The following UBR3 variants were observed in gnomAD, a reference collection of about 807,000 sequenced individuals.
The protein encoded by UBR3 is E3 ubiquitin-protein ligase UBR3.
Under a neutral mutation model 243.2 loss-of-function variants are expected in UBR3, and 85 were observed. The ratio of observed to expected loss-of-function variants is 0.35; its 90% CI spans 0.29 to 0.42. The LOEUF (loss-of-function observed/expected upper bound fraction) is 0.42. Ranked by LOEUF, UBR3 falls within the 10% of genes least tolerant of loss-of-function variation. UBR3 has a pLI of 1.00. For synonymous variants in UBR3, 748 were observed against 799.8 expected (o/e 0.94, Z 1.09); for missense variants, 1,686 against 2,300.8 (o/e 0.73, Z 5.47).
rs181178036 is a variant in UBR3, at chr2:170,003,129, C to T, written c.4029+1715C>T. 4.0e-3 allele frequency among the ~76,000 whole-genome samples: 614 copies of T among 152,296 alleles called. 6 individuals are homozygous for T. The highest frequency in any genetic ancestry group is 4.0e-3 in the Non-Finnish European group (271 of 68,020). On this transcript the variant is annotated intron_variant, in intron 27 of 38. Transcript: ENST00000272793. ...CTAAATCTCACTTGACTATATTCTA[C>T]CTTCATTAATCCCACTGCTACTTTT...
intron 1 of UBR3, among the ~76,000 whole-genome samples, chr2:169,838,172 T>G (rs2082168457): frequency 6.6e-6 from 1 of 152,194 alleles, no homozygotes; most frequent in African/African-American, 2.4e-5. Context: ...AGATACATGT[T>G]CAAGTATGTT....
At chr2:169,857,531 C>T (rs2105299054) in intron 1 of UBR3, among the ~76,000 whole-genome samples, 1 of 152,116 alleles carries the variant, frequency 6.6e-6, no homozygotes, top group East Asian at 1.9e-4. Context: ...TTCCTCCTGC[C>T]TCAGCCTCCC....
chr2:169,933,141 A>AAT, intron 19 of UBR3, 133 bp downstream of exon 19: 1 of 607,024 alleles, frequency 1.6e-6, no homozygotes. Context: ...TAATAATTTA[A>AAT]GGTTTAAAAA....
Position 169,827,781 on chromosome 2 carries a change from G to C in UBR3, c.274G>C (p.Glu92Gln), listed in dbSNP as rs1288016707. The change falls in exon 1 of 39, where the codon GAG becomes CAG. Residue 92 changes from glutamate (E) to glutamine (Q), a missense_variant. Physicochemically the swap from Glu to Gln is conservative, Grantham distance 29 (BLOSUM62 2). Coordinates refer to ENST00000272793, the MANE Select transcript of UBR3 (RefSeq NM_172070.4). The part of the protein sequence containing the change: ...GPGAAEEEAL[E>Q]WCKCLLAGGG... ...GGGGGCGGCCGAGGAGGAGGCCCTGGAGTGGTGTAAGTGCCTTCTGGCGGG... is the reference window on the plus strand; with the variant it reads ...GGGGGCGGCCGAGGAGGAGGCCCTGCAGTGGTGTAAGTGCCTTCTGGCGGG... The C allele has an allele frequency of 1.4e-6, 2 of 1,466,864 alleles. No homozygotes were observed. The highest frequency in any genetic ancestry group is 2.3e-5 in the Admixed American group (1 of 42,644). 90.9% of individuals were successfully genotyped at this position (1,466,864 alleles called of 1,614,324 possible).
chr2:170,060,521 CAT>C (rs1297966958), intron 33 of UBR3, among the ~76,000 whole-genome samples: 1 of 151,972 alleles, frequency 6.6e-6, no homozygotes, highest in African/African-American at 2.4e-5. Context: ...CTATTGTATG[CAT>C]ATGTTATATG....
At position 169,960,884 on chromosome 2, in the gene UBR3, C is replaced by T. The variant is rs372563505; in HGVS notation, c.3634+2358C>T. ...AATGTGCTACATAATGGTTCTACAT[C>T]GACTGTTTTTGAGTCCAGTGGCTCA... On this transcript the variant is annotated intron_variant, in intron 24 of 38. Coordinates refer to ENST00000272793, the MANE Select transcript of UBR3 (RefSeq NM_172070.4). Among the ~76,000 whole-genome samples, 120 of 152,132 alleles carry T rather than the reference C, an allele frequency of 7.9e-4. 1 individual carries two copies. The highest frequency in any genetic ancestry group is 1.7e-3 in the African/African-American group (70 of 41,488).
chr2:169,955,451 C>G (rs56317146), intron 23 of UBR3, among the ~76,000 whole-genome samples: 65,417 of 151,694 alleles, frequency 0.43, 15,458 homozygotes, highest in Non-Finnish European at 0.54. Context: ...TCCTTTTGAT[C>G]TATTCCCATC....
intron 27 of UBR3, among the ~76,000 whole-genome samples, chr2:170,005,030 T>C (rs2089861600): frequency 6.6e-6 from 1 of 152,104 alleles, no homozygotes; most frequent in Non-Finnish European, 1.5e-5. Context: ...GAGACCATCC[T>C]GGCTAACACA....
At chr2:169,858,065 A>G (rs1293651546) in intron 1 of UBR3, among the ~76,000 whole-genome samples, 2 of 152,240 alleles carry the variant, frequency 1.3e-5, no homozygotes, top group East Asian at 3.8e-4. Context: ...AAAACTGAGC[A>G]GCTTAAGACA....
chr2:169,980,256 G>A (rs1313034380), intron 24 of UBR3, among the ~76,000 whole-genome samples: 1 of 152,206 alleles, frequency 6.6e-6, no homozygotes, highest in East Asian at 1.9e-4. Context: ...TGATTCATGT[G>A]ATAATAATGG....
chr2:169,874,535 T>C (rs189438884), intron 2 of UBR3, among the ~76,000 whole-genome samples: 111 of 152,318 alleles, frequency 7.3e-4, no homozygotes, highest in African/African-American at 2.6e-3. Flanking sequence ...GGTCTTGCAA[T>C]AACCAATCCA....
intron 36 of UBR3, chr2:170,078,141 T>A (rs2091848683): frequency 3.3e-6 from 2 of 602,148 alleles, no homozygotes; most frequent in African/African-American, 3.9e-5. Context: ...TGGTGCTGTT[T>A]AAGATAAAGC....
chr2:169,989,203 A>C (rs2089167661), intron 25 of UBR3, among the ~76,000 whole-genome samples: 1 of 152,226 alleles, frequency 6.6e-6, no homozygotes, highest in Non-Finnish European at 1.5e-5. Context: ...CTTGTTTTTT[A>C]AACATAACCA....
At chr2:170,073,077 A>C (rs116452895) in intron 35 of UBR3, among the ~76,000 whole-genome samples, 142 of 152,282 alleles carry the variant, frequency 9.3e-4, no homozygotes, top group Non-Finnish European at 1.7e-3. Context: ...TAAAAGTTTT[A>C]AACCAGAAAT....
intron 35 of UBR3, among the ~76,000 whole-genome samples, chr2:170,064,803 A>ATTTTTTTTTTTTTTTTTTTTTTTTTTTT: frequency 1.1e-5 from 1 of 87,876 alleles, no homozygotes; most frequent in Non-Finnish European, 2.2e-5. Context: ...TGCTTTTTCT[A>ATTTTTTTTTTTTTTTTTTTTTTTTTTTT]TTTTTTTTTT....
chr2:169,934,328 A>G (rs948236241), intron 19 of UBR3, among the ~76,000 whole-genome samples: 1 of 152,188 alleles, frequency 6.6e-6, no homozygotes, highest in African/African-American at 2.4e-5. Context: ...AATGTATAAG[A>G]ATTAAGTAAA....
At chr2:169,871,902 G>A (rs2083451888) in intron 1 of UBR3, among the ~76,000 whole-genome samples, 2 of 152,156 alleles carry the variant, frequency 1.3e-5, no homozygotes, top group South Asian at 2.1e-4. Context: ...TGATCAACTT[G>A]TACTTAATGG....
At chr2:169,964,845 A>G in intron 24 of UBR3, 1 of 456,746 alleles carries the variant, frequency 2.2e-6, no homozygotes, top group Non-Finnish European at 4.4e-6. Context: ...GGGCACAGGA[A>G]GAACAATTGA....
intron 35 of UBR3, among the ~76,000 whole-genome samples, chr2:170,063,996 C>T (rs1416667381): frequency 6.6e-6 from 1 of 152,162 alleles, no homozygotes; most frequent in Non-Finnish European, 1.5e-5. Flanking sequence ...TGTTTTCCCC[C>T]ATATACTTGC....
Sources: allele counts gnomAD v4.1 joint callset (sites outside exome capture counted in the v4.1 genomes callset), GRCh38; gene constraint gnomAD v4.1.1; transcripts MANE v1.5; gene names NCBI Gene and HGNC (gene_info 2026-07-23, HGNC 2026-07-21).